PSD3: variants seen among roughly 807,000 people sequenced by gnomAD.
PSD3 encodes the protein PH and SEC7 domain-containing protein 3.
Under a neutral mutation model 105.5 loss-of-function variants are expected in PSD3, and 49 were observed. The observed-to-expected ratio is 0.46, with a 90% CI of 0.37 to 0.59. The LOEUF (loss-of-function observed/expected upper bound fraction) is 0.59. PSD3 is among the 20% of genes least tolerant of loss of function. The probability of loss-of-function intolerance (pLI) is 0.00; values close to 1 mark genes in which losing one functional copy is unlikely to be tolerated. For missense variants in PSD3, 1,561 were observed against 1,263.8 expected, an observed-to-expected ratio of 1.24 and a Z score of -3.57; for synonymous variants, 557 against 457.8, an observed-to-expected ratio of 1.22 and a Z score of -2.77.
At chr8:18,648,747 A>C (rs1808245318) in intron 10 of PSD3, among the ~76,000 whole-genome samples, 1 of 152,206 alleles carries the variant, frequency 6.6e-6, no homozygotes, top group Non-Finnish European at 1.5e-5. Context: ...TTAGGAGAGA[A>C]GAATGGTTTC....
At chr8:18,983,758 G>T (rs1008660997) in intron 1 of PSD3, among the ~76,000 whole-genome samples, 1 of 151,832 alleles carries the variant, frequency 6.6e-6, no homozygotes, top group African/African-American at 2.4e-5. Flanking sequence ...TACCATTTTG[G>T]GACGCTGAGG....
At position 18,979,022 on chromosome 8, in the gene PSD3, A is replaced by G. The variant is rs996329260; in HGVS notation, c.21+34541T>C. Among the ~76,000 whole-genome samples, 6 of 152,160 alleles carry G rather than the reference A, an allele frequency of 3.9e-5. No homozygotes were observed. The South Asian group carries it at 1.2e-3, about 32-fold the overall frequency. On this transcript the variant is annotated intron_variant, in intron 1 of 15. Transcript: ENST00000327040. ...CTTCTGGAGTTCGCTATATGACCTC[A>G]CTATAATCCCTTTACCACTGTGGGC...
At chr8:18,683,349 A>G (rs1800487905) in intron 9 of PSD3, among the ~76,000 whole-genome samples, 1 of 152,208 alleles carries the variant, frequency 6.6e-6, no homozygotes, top group South Asian at 2.1e-4. Flanking sequence ...CTGGGGGAAG[A>G]CCAGGGGAGG....
chr8:19,043,003 C>T (rs2129476769), intron 1 of PSD3, among the ~76,000 whole-genome samples: 1 of 152,282 alleles, frequency 6.6e-6, no homozygotes, highest in South Asian at 2.1e-4. Context: ...CTCAATTCAA[C>T]CTACCTCCTC....
intron 15 of PSD3, among the ~76,000 whole-genome samples, chr8:18,540,849 C>T (rs1174181761): frequency 6.6e-6 from 1 of 152,162 alleles, no homozygotes; most frequent in Non-Finnish European, 1.5e-5. Flanking sequence ...CCCTAGAAAA[C>T]CCATGGGCCA....
chr8:18,874,144 A>G (rs1017007093), intron 2 of PSD3, among the ~76,000 whole-genome samples: 2 of 150,832 alleles, frequency 1.3e-5, no homozygotes, highest in Non-Finnish European at 2.9e-5. Context: ...AGTTGTTACC[A>G]TTTTTATTTT....
At chr8:18,701,609 A>C (rs559541278) in intron 9 of PSD3, among the ~76,000 whole-genome samples, 1 of 152,218 alleles carries the variant, frequency 6.6e-6, no homozygotes, top group Non-Finnish European at 1.5e-5. Context: ...CCATTGTTGA[A>C]GGAAACAAAA....
At chr8:18,743,989 C>G (rs1804788226) in intron 9 of PSD3, among the ~76,000 whole-genome samples, 1 of 150,558 alleles carries the variant, frequency 6.6e-6, no homozygotes, top group Admixed American at 6.6e-5. Context: ...ACCACCACCA[C>G]CACCACCACC....
intron 9 of PSD3, among the ~76,000 whole-genome samples, chr8:18,710,684 T>C (rs1322855450): frequency 6.6e-6 from 1 of 152,060 alleles, no homozygotes; most frequent in Non-Finnish European, 1.5e-5. Context: ...GGGGCCAATA[T>C]TCAATTTTTT....
chr8:18,902,859 T>C (rs926702069), intron 2 of PSD3, among the ~76,000 whole-genome samples: 2 of 152,326 alleles, frequency 1.3e-5, no homozygotes, highest in East Asian at 3.9e-4. Flanking sequence ...AGGCTGCTAA[T>C]GTCTTCAGTC....
intron 2 of PSD3, among the ~76,000 whole-genome samples, chr8:18,927,763 C>T (rs918559840): frequency 1.3e-5 from 2 of 152,180 alleles, no homozygotes; most frequent in African/African-American, 4.8e-5. Context: ...GGGCTGACAG[C>T]CATCAGTCAA....
intron 15 of PSD3, among the ~76,000 whole-genome samples, chr8:18,543,632 A>C (rs978268316): frequency 7.9e-5 from 12 of 152,134 alleles, no homozygotes; most frequent in Non-Finnish European, 8.8e-5. Flanking sequence ...ACAAAAAAAA[A>C]AACAACAACA....
intron 2 of PSD3, among the ~76,000 whole-genome samples, chr8:18,917,858 G>A (rs1252526194): frequency 2.0e-5 from 3 of 152,132 alleles, no homozygotes; most frequent in African/African-American, 4.8e-5. Context: ...TCATCTATCT[G>A]GATTCCTTTC....
chr8:18,634,270 C>G (rs1056220411), intron 10 of PSD3, among the ~76,000 whole-genome samples: 1 of 151,474 alleles, frequency 6.6e-6, no homozygotes, highest in Non-Finnish European at 1.5e-5. Flanking sequence ...CCTTTTTTTT[C>G]TCTTTTGGTA....
At chr8:18,607,810 C>T (rs1711576776) in intron 11 of PSD3, among the ~76,000 whole-genome samples, 1 of 151,694 alleles carries the variant, frequency 6.6e-6, no homozygotes, top group African/African-American at 2.4e-5. Context: ...ACTCACAGTT[C>T]AGCATGGCTG....
chr8:18,863,449 A>T (rs1276414810), intron 4 of PSD3, among the ~76,000 whole-genome samples: 2 of 152,170 alleles, frequency 1.3e-5, no homozygotes, highest in African/African-American at 4.8e-5. Flanking sequence ...TGGGGAGGGG[A>T]TGCTCCTCTT....
intron 9 of PSD3, among the ~76,000 whole-genome samples, chr8:18,710,297 A>C (rs1264596584): frequency 2.0e-5 from 3 of 152,194 alleles, no homozygotes; most frequent in Non-Finnish European, 2.9e-5. Flanking sequence ...TTAGAGGGAA[A>C]AAAAATGAGA....
At chr8:18,674,400 G>C (rs1039240786) in intron 9 of PSD3, among the ~76,000 whole-genome samples, 5 of 152,096 alleles carry the variant, frequency 3.3e-5, no homozygotes, top group Non-Finnish European at 7.4e-5. Context: ...ACGTCTATCT[G>C]GTTTCCATGT....
chr8:18,916,374 A>ACT (rs1820605852), intron 2 of PSD3, among the ~76,000 whole-genome samples: 1 of 82,338 alleles, frequency 1.2e-5, no homozygotes, highest in Non-Finnish European at 2.5e-5. Flanking sequence ...ACACACACAC[A>ACT]CACAAACAGA....
Sources: gnomAD v4.1 joint callset for allele counts (sites outside exome capture counted in the v4.1 genomes callset) on GRCh38, gnomAD v4.1.1 for gene constraint, MANE v1.5 for transcripts, NCBI Gene and HGNC (gene_info 2026-07-23, HGNC 2026-07-21) for gene names.